ANKRD17: variants seen among roughly 807,000 people sequenced by gnomAD.
ANKRD17 encodes the protein ankyrin repeat domain-containing protein 17.
ANKRD17 carries 19 observed loss-of-function variants against 229.7 expected under a neutral mutation model. That is an observed-to-expected ratio of 0.08 (90% CI 0.06 to 0.12). The LOEUF (loss-of-function observed/expected upper bound fraction) is 0.12. Ranked by LOEUF, ANKRD17 falls within the 10% of genes least tolerant of loss-of-function variation. ANKRD17 has a pLI of 1.00. For missense variants in ANKRD17, 2,176 were observed against 3,176.8 expected, an observed-to-expected ratio of 0.68 and a Z score of 7.57; for synonymous variants, 1,112 against 1,146.1, an observed-to-expected ratio of 0.97 and a Z score of 0.60.
intron 27 of ANKRD17, among the ~76,000 whole-genome samples, chr4:73,096,697 T>C (rs1045999851): frequency 5.9e-5 from 9 of 152,202 alleles, no homozygotes; most frequent in African/African-American, 2.2e-4. Context: ...TAAAATCCCA[T>C]GCAAAACAAA....
chr4:73,091,587 G>A lies in ANKRD17; in HGVS notation c.6041C>T (p.Thr2014Ile), dbSNP rs776198133. ...AGTGTTGTTGTTGCTTGCCGTGGTT[G>A]TGACTGTTGTTGTGGTGGCATTGGA... Reference protein sequence around the residue: ...KTSNATTTTVTTTASNNNTAP... With the variant: ...KTSNATTTTVITTASNNNTAP... Residue 2014 changes from threonine (T) to isoleucine (I), a missense_variant, in exon 29 of 34, where the codon ACA (threonine) becomes ATA (isoleucine). Thr to Ile is a moderately conservative substitution (Grantham distance 89). Transcript: ENST00000358602. 6.2e-7 allele frequency: 1 copy of A among 1,614,098 alleles called. No homozygotes were observed. Among genetic ancestry groups the A allele is most frequent in the African/African-American group, 1.3e-5 (1 of 74,932 alleles).
chr4:73,091,754 C>T lies in ANKRD17; in HGVS notation c.5874G>A (p.Gln1958=). 6.2e-7 allele frequency: 1 copy of T among 1,614,152 alleles called. No individual in the cohort carries two copies. The highest frequency in any genetic ancestry group is 8.5e-7 in the Non-Finnish European group (1 of 1,180,034). ...RHSNQNSSGS[Q]VNSAGSLTSS... ...AAGTTAAAGAACCTGCTGAATTCAC[C>T]TGAGAACCACTGCTATTCTGATTGC... The change falls in exon 29 of 34, where the codon CAG becomes CAA. Residue 1958 remains glutamine, a synonymous_variant. Transcript: ENST00000358602.
At chr4:73,192,917 T>C (rs1437174080) in intron 1 of ANKRD17, among the ~76,000 whole-genome samples, 2 of 152,194 alleles carry the variant, frequency 1.3e-5, no homozygotes, top group Admixed American at 1.3e-4. Context: ...CTTTTTCTTT[T>C]AATTCTTTTT....
chr4:73,120,686 C>T (rs1032274680), intron 20 of ANKRD17, among the ~76,000 whole-genome samples, 195 bp downstream of exon 20: 1 of 151,728 alleles, frequency 6.6e-6, no homozygotes, highest in Non-Finnish European at 1.5e-5. Flanking sequence ...GTCATTGTTG[C>T]CTATAAAAAT....
At chr4:73,150,895 G>C (rs900570668) in intron 7 of ANKRD17, among the ~76,000 whole-genome samples, 14 of 152,268 alleles carry the variant, frequency 9.2e-5, no homozygotes, top group African/African-American at 3.4e-4. Context: ...AAAAGACCTC[G>C]AGAGAGGGGA....
chr4:73,218,971 G>C (rs1741485723), intron 1 of ANKRD17, among the ~76,000 whole-genome samples: 1 of 152,130 alleles, frequency 6.6e-6, no homozygotes, highest in Non-Finnish European at 1.5e-5. Flanking sequence ...TGAGGCAGGA[G>C]AATCACTTGA....
intron 1 of ANKRD17, among the ~76,000 whole-genome samples, chr4:73,209,514 C>A (rs1739969198): frequency 6.6e-6 from 1 of 152,154 alleles, no homozygotes; most frequent in South Asian, 2.1e-4. Context: ...TGAAAACATT[C>A]CCAAAAACAA....
At chr4:73,146,703 C>A in intron 10 of ANKRD17, 61 bp downstream of exon 10, 6 of 1,226,746 alleles carry the variant, frequency 4.9e-6, no homozygotes, top group Non-Finnish European at 5.7e-6. Flanking sequence ...CTAGACTCTC[C>A]ATAATTTAAA....
At chr4:73,094,724 G>GTA (rs34281628) in intron 27 of ANKRD17, among the ~76,000 whole-genome samples, 68,400 of 148,320 alleles carry the variant, frequency 0.46, 15,941 homozygotes, top group Admixed American at 0.54. Flanking sequence ...GTATATATGT[G>GTA]TATATATATA....
At chr4:73,137,137 A>C (rs1380428578) in intron 15 of ANKRD17, among the ~76,000 whole-genome samples, 2 of 152,066 alleles carry the variant, frequency 1.3e-5, no homozygotes, top group Non-Finnish European at 2.9e-5. Flanking sequence ...CATTCTCTAC[A>C]ACTAAAAGAA....
chr4:73,177,209 A>C (rs937500000), intron 2 of ANKRD17, among the ~76,000 whole-genome samples, 171 bp downstream of exon 2: 1 of 152,260 alleles, frequency 6.6e-6, no homozygotes, highest in Admixed American at 6.5e-5. Flanking sequence ...TGAAAATTAC[A>C]ATATGCTTTA....
intron 1 of ANKRD17, chr4:73,223,208 T>A (rs964619533): frequency 2.6e-4 from 131 of 500,484 alleles, no homozygotes; most frequent in Non-Finnish European, 4.1e-4. Context: ...GTGTATTTTT[T>A]AAAGATACAG....
intron 1 of ANKRD17, among the ~76,000 whole-genome samples, chr4:73,245,317 G>T (rs1466180800): frequency 6.6e-6 from 1 of 152,162 alleles, no homozygotes; most frequent in African/African-American, 2.4e-5. Flanking sequence ...GCTGTGAGGG[G>T]ATTTTGCAGA....
chr4:73,203,070 T>C (rs1332333640), intron 1 of ANKRD17, among the ~76,000 whole-genome samples: 1 of 152,190 alleles, frequency 6.6e-6, no homozygotes, highest in Non-Finnish European at 1.5e-5. Context: ...TCAGTGAACA[T>C]CAAGATAGCA....
chr4:73,157,483 T>G (rs1239760642), intron 3 of ANKRD17, among the ~76,000 whole-genome samples: 1 of 152,204 alleles, frequency 6.6e-6, no homozygotes, highest in Non-Finnish European at 1.5e-5. Flanking sequence ...TTGTAGACAT[T>G]TCTAAAGATT....
rs770044449 is a variant in ANKRD17 at position 73,124,896 on chromosome 4, C to T, written c.3492+17G>A. 4 of 1,612,418 alleles carry T rather than the reference C, an allele frequency of 2.5e-6. No homozygotes were observed. Among genetic ancestry groups the T allele is most frequent in the African/African-American group, 2.7e-5 (2 of 74,868 alleles). On this transcript the variant is annotated intron_variant, in intron 18 of 33. Coordinates refer to ENST00000358602, the MANE Select transcript of ANKRD17 (RefSeq NM_032217.5). ...AAACAGAGAAAGGAAAACAATTACA[C>T]TAAGGGGAAACATTACCTCCTGTCT...
At chr4:73,170,210 G>C (rs1405368293) in intron 2 of ANKRD17, among the ~76,000 whole-genome samples, 8 of 151,902 alleles carry the variant, frequency 5.3e-5, no homozygotes, top group Non-Finnish European at 4.4e-5. Flanking sequence ...AGACAACTTG[G>C]TCTTGCATCT....
Position 73,092,194 on chromosome 4 carries a change from A to C in ANKRD17, c.5434T>G (p.Ser1812Ala), listed in dbSNP as rs1482694259. 1.9e-6 allele frequency: 3 copies of C among 1,613,984 alleles called. No individual in the cohort carries two copies. Among genetic ancestry groups the C allele is most frequent in the Admixed American group, 3.3e-5 (2 of 59,990 alleles). ...GACCCTATTTTGGAATTTGCTGAGG[A>C]GCTTTTCAAACGATTCTTTGGAATA... The part of the protein sequence containing the change: ...ELIPKNRLKS[S>A]SANSKIGSSA... The change falls in exon 29 of 34, where the codon TCC (serine) becomes GCC (alanine). Residue 1812 changes from serine to alanine, a missense_variant. Physicochemically the swap from Ser to Ala is moderately conservative, Grantham distance 99. This residue lies in a region of ANKRD17 where 142 missense variants were observed against 200.4 expected (regional missense o/e 0.71). Transcript: ENST00000358602.
intron 1 of ANKRD17, among the ~76,000 whole-genome samples, chr4:73,200,989 G>GC (rs1738595021): frequency 2.0e-5 from 1 of 50,012 alleles, no homozygotes; most frequent in African/African-American, 6.2e-5. Flanking sequence ...AGTATGGGCG[G>GC]GGGGGGGGGG....
Sources: gnomAD v4.1 joint callset for allele counts (sites outside exome capture counted in the v4.1 genomes callset) on GRCh38, gnomAD v4.1.1 for gene constraint, gnomAD v4.1.1 regional missense constraint, MANE v1.5 for transcripts, NCBI Gene and HGNC (gene_info 2026-07-23, HGNC 2026-07-21) for gene names.